The following GALNTL5 variants were observed in gnomAD, a reference collection of about 807,000 sequenced individuals.
The protein encoded by GALNTL5 is polypeptide N-acetylgalactosaminyltransferase like 5, also known as inactive polypeptide N-acetylgalactosaminyltransferase-like protein 5.
A neutral mutation model predicts 51.0 loss-of-function variants in GALNTL5; 44 were observed. That is an observed-to-expected ratio of 0.86 (90% CI 0.68 to 1.11). GALNTL5 has a LOEUF of 1.11. Among genes scored for constraint, GALNTL5 ranks in the 50% least tolerant of loss-of-function variants. The probability of loss-of-function intolerance (pLI) is 0.00; values close to 1 mark genes in which losing one functional copy is unlikely to be tolerated. For missense variants in GALNTL5, 528 were observed against 531.8 expected, an observed-to-expected ratio of 0.99 and a Z score of 0.07; for synonymous variants, 192 against 182.8, an observed-to-expected ratio of 1.05 and a Z score of -0.41.
intron 7 of GALNTL5, among the ~76,000 whole-genome samples, chr7:152,009,548 G>A (rs1271993812): frequency 6.6e-6 from 1 of 152,198 alleles, no homozygotes; most frequent in South Asian, 2.1e-4. Context: ...ATCCTTGTCA[G>A]ACTTTGCTTC....
intron 1 of GALNTL5, among the ~76,000 whole-genome samples, chr7:151,958,902 T>C (rs944309180): frequency 1.3e-5 from 2 of 152,132 alleles, no homozygotes; most frequent in Admixed American, 1.3e-4. Context: ...GAGAGGGGGC[T>C]CAAAGATGGA....
At chr7:151,968,423 A>C (rs1176169914) in intron 2 of GALNTL5, among the ~76,000 whole-genome samples, 2 of 152,220 alleles carry the variant, frequency 1.3e-5, no homozygotes, top group Non-Finnish European at 2.9e-5. Context: ...ATTTCTGTGG[A>C]TCCCTGCTCT....
intron 5 of GALNTL5, among the ~76,000 whole-genome samples, chr7:151,998,817 A>ACGACAATT (rs2151954773): frequency 6.6e-6 from 1 of 152,076 alleles, no homozygotes; most frequent in Admixed American, 6.6e-5. Context: ...GGCAAAGTAC[A>ACGACAATT]CGACAATTTC....
At chr7:152,007,996 G>C in intron 7 of GALNTL5, 52 bp downstream of exon 7, 1 of 973,008 alleles carries the variant, frequency 1.0e-6, no homozygotes. Flanking sequence ...ACCTAACTTT[G>C]TCACATACAA....
intron 5 of GALNTL5, among the ~76,000 whole-genome samples, chr7:152,000,826 G>A (rs751200988): frequency 6.6e-6 from 1 of 151,460 alleles, no homozygotes; most frequent in Non-Finnish European, 1.5e-5. Context: ...TTTAGTATAT[G>A]TATGATTTGG....
At chr7:151,997,223 A>G (rs2081511133) in intron 5 of GALNTL5, among the ~76,000 whole-genome samples, 1 of 152,164 alleles carries the variant, frequency 6.6e-6, no homozygotes, top group Non-Finnish European at 1.5e-5. Flanking sequence ...GGCAGGCTTG[A>G]CCTCACGCCC....
chr7:151,984,352 A>G (rs1391580553), intron 4 of GALNTL5: 1 of 152,222 alleles, frequency 6.6e-6, no homozygotes, highest in Non-Finnish European at 1.5e-5. Context: ...GTCAATATTA[A>G]GTAAGTTTCA....
chr7:151,985,367 C>A (rs146701907), intron 4 of GALNTL5, among the ~76,000 whole-genome samples: 6 of 152,290 alleles, frequency 3.9e-5, no homozygotes, highest in African/African-American at 9.6e-5. Flanking sequence ...TCTATCTGAG[C>A]CTTTGACCCA....
chr7:151,990,764 T>A (rs1291670176), intron 5 of GALNTL5, among the ~76,000 whole-genome samples: 1 of 151,794 alleles, frequency 6.6e-6, no homozygotes, highest in African/African-American at 2.4e-5. Flanking sequence ...TCATTTCCTG[T>A]TCTGGCTGAC....
chr7:151,983,482 A>G (rs969787139), intron 4 of GALNTL5, among the ~76,000 whole-genome samples: 4 of 152,124 alleles, frequency 2.6e-5, no homozygotes, highest in African/African-American at 9.7e-5. Context: ...CTGACCATCT[A>G]ATCTACTCTG....
At chr7:151,982,801 A>G in intron 3 of GALNTL5, 185 bp from the exon 4 acceptor site, 1 of 1,260,166 alleles carries the variant, frequency 7.9e-7, no homozygotes, top group East Asian at 2.6e-5. Context: ...AGAAAATATT[A>G]GAACAACATA....
chr7:152,000,607 G>A (rs1035368805), intron 5 of GALNTL5, among the ~76,000 whole-genome samples: 1 of 152,016 alleles, frequency 6.6e-6, no homozygotes, highest in Non-Finnish European at 1.5e-5. Flanking sequence ...TTTCATTCTT[G>A]CCGTCCTAGT....
At chr7:152,003,594 C>A (rs1294109777) in intron 6 of GALNTL5, among the ~76,000 whole-genome samples, 2 of 152,106 alleles carry the variant, frequency 1.3e-5, no homozygotes, top group East Asian at 3.9e-4. Flanking sequence ...GTGATCTGAT[C>A]AATATCAACA....
rs759050992 is a variant in GALNTL5 at position 151,975,515 on chromosome 7, CTTTG to C, written c.368+4455_368+4458del. 4.0e-5 allele frequency among the ~76,000 whole-genome samples: 6 copies of C among 151,874 alleles called. 1 individual carries two copies. The South Asian group carries it at 8.3e-4, about 21-fold the overall frequency. On this transcript the variant is annotated intron_variant, in intron 3 of 8. Coordinates refer to ENST00000392800, the MANE Select transcript of GALNTL5 (RefSeq NM_145292.4). ...TGCTTATCCTTTTAAAAACCCAACT[CTTTG>C]TTTGGTTTGTCTTTTCTATTGTTTT... is the stretch of plus-strand genomic sequence containing the variant.
At chr7:151,981,478 G>C (rs1345979866) in intron 3 of GALNTL5, among the ~76,000 whole-genome samples, 1 of 152,020 alleles carries the variant, frequency 6.6e-6, no homozygotes, top group Non-Finnish European at 1.5e-5. Context: ...CATTCCTTGA[G>C]GCTCCAGCTG....
intron 1 of GALNTL5, chr7:151,960,528 G>A (rs1186306764): frequency 6.6e-6 from 1 of 152,338 alleles, no homozygotes; most frequent in Non-Finnish European, 1.5e-5. Context: ...AACTTTATTC[G>A]GAGCAGATCT....
chr7:151,979,183 C>T (rs1440390674), intron 3 of GALNTL5, among the ~76,000 whole-genome samples: 2 of 145,402 alleles, frequency 1.4e-5, no homozygotes, highest in African/African-American at 2.6e-5. Context: ...CATCTCGGCT[C>T]ACTGCAAGCT....
intron 3 of GALNTL5, among the ~76,000 whole-genome samples, chr7:151,981,570 CTT>C (rs2081287874): frequency 3.4e-5 from 1 of 29,732 alleles, no homozygotes; most frequent in South Asian, 1.5e-3. Flanking sequence ...TCCTTCCTTC[CTT>C]CCTTCCTTCC....
intron 7 of GALNTL5, among the ~76,000 whole-genome samples, chr7:152,009,427 C>T (rs1048525836): frequency 4.6e-5 from 7 of 152,270 alleles, no homozygotes; most frequent in Non-Finnish European, 8.8e-5. Context: ...TTTTCTTGGA[C>T]GTTAGGACAA....
Sources: allele counts gnomAD v4.1 joint callset (sites outside exome capture counted in the v4.1 genomes callset), GRCh38; gene constraint gnomAD v4.1.1; transcripts MANE v1.5; gene names NCBI Gene and HGNC (gene_info 2026-07-23, HGNC 2026-07-21).